Variants in PTPRQ observed in about 807,000 individuals in gnomAD.
PTPRQ encodes the protein phosphatidylinositol phosphatase PTPRQ.
PTPRQ carries 199 observed loss-of-function variants against 246.0 expected under a neutral mutation model. The observed-to-expected ratio is 0.81, with a 90% CI of 0.72 to 0.91. The LOEUF (loss-of-function observed/expected upper bound fraction) is 0.91, where lower values mean the gene tolerates loss of function less well. PTPRQ is among the 40% of genes least tolerant of loss of function. PTPRQ has a pLI of 0.00. For synonymous variants in PTPRQ, 869 were observed against 853.2 expected, an observed-to-expected ratio of 1.02 and a Z score of -0.32; for missense variants, 2,624 against 2,528.4, an observed-to-expected ratio of 1.04 and a Z score of -0.81.
intron 28 of PTPRQ, 86 bp from the exon 29 acceptor site, chr12:80,613,506 A>G: frequency 1.5e-6 from 2 of 1,338,564 alleles, no homozygotes; most frequent in Non-Finnish European, 2.0e-6. Context: ...CTCTTTAAAA[A>G]CAGAAGTTCA....
chr12:80,632,568 C>A (rs1565830982), intron 34 of PTPRQ, among the ~76,000 whole-genome samples: 1 of 152,066 alleles, frequency 6.6e-6, no homozygotes, highest in Non-Finnish European at 1.5e-5. Context: ...TGGCTAACTA[C>A]TAAAGAGAGT....
intron 39 of PTPRQ, among the ~76,000 whole-genome samples, chr12:80,662,845 G>A (rs994563533): frequency 2.1e-4 from 32 of 151,906 alleles, no homozygotes; most frequent in Non-Finnish European, 3.7e-4. Context: ...CAATTAAAGG[G>A]CAAAAGTCCA....
In PTPRQ at chr12:80,658,697, GT is replaced by G. The variant is rs879759285; in HGVS notation, c.6192+645del. Among the ~76,000 whole-genome samples, 428 of 151,254 alleles carry G rather than the reference GT, an allele frequency of 2.8e-3. 1 individual carries two copies. The highest frequency in any genetic ancestry group is 6.8e-3 in the Middle Eastern group (2 of 292). The stretch of plus-strand genomic sequence containing the variant: ...AACAACTCTGCTTTACAGTTGTTGG[GT>G]TTTTTTTTAACCAAGTTATGTCTCT... On this transcript the variant is annotated intron_variant, in intron 39 of 44. Coordinates refer to ENST00000644991, the MANE Select transcript of PTPRQ (RefSeq NM_001145026.2).
chr12:80,598,846 C>CT (rs1008209687), intron 26 of PTPRQ, among the ~76,000 whole-genome samples: 1 of 151,874 alleles, frequency 6.6e-6, no homozygotes, highest in Non-Finnish European at 1.5e-5. Flanking sequence ...TATGTTTATT[C>CT]TTTTAGGAAA....
At chr12:80,483,373 T>C (rs1894144521) in intron 8 of PTPRQ, among the ~76,000 whole-genome samples, 2 of 109,698 alleles carry the variant, frequency 1.8e-5, no homozygotes, top group South Asian at 7.3e-4. Context: ...CTGGGGCCTG[T>C]TGTGGGGTGG....
intron 25 of PTPRQ, among the ~76,000 whole-genome samples, chr12:80,558,544 G>A (rs1185675139): frequency 6.7e-6 from 1 of 148,674 alleles, no homozygotes; most frequent in Non-Finnish European, 1.5e-5. Flanking sequence ...AAGGACATGT[G>A]AGTTGTGTCC....
chr12:80,535,839 G>C (rs551548686), intron 19 of PTPRQ, among the ~76,000 whole-genome samples: 1 of 152,216 alleles, frequency 6.6e-6, no homozygotes, highest in Non-Finnish European at 1.5e-5. Flanking sequence ...CGGGCGTGGT[G>C]GCTCACGCCT....
At chr12:80,482,471 A>G (rs1374029072) in intron 8 of PTPRQ, among the ~76,000 whole-genome samples, 1 of 151,604 alleles carries the variant, frequency 6.6e-6, no homozygotes, top group African/African-American at 2.4e-5. Context: ...ATGGGCAAGG[A>G]CTTCATGTCT....
chr12:80,651,161 A>G (rs577699452), intron 37 of PTPRQ, among the ~76,000 whole-genome samples: 11 of 152,200 alleles, frequency 7.2e-5, no homozygotes, highest in African/African-American at 2.4e-4. Context: ...TATAATATCT[A>G]CTTTATTAAA....
At position 80,610,917 on chromosome 12, in the gene PTPRQ, A is replaced by T. The variant is rs1034784659; in HGVS notation, c.4918+292A>T. Among the ~76,000 whole-genome samples the T allele has an allele frequency of 6.6e-5, 10 of 150,554 alleles. No individual in the cohort carries two copies. In the East Asian group the frequency reaches 1.8e-3, roughly 26 times the overall value. ...CTGCTAGTTGTTTCAGAAATTAAGT[A>T]AGCTTGCCTAAGAGATAATATTTCC... is the stretch of plus-strand genomic sequence containing the variant. On this transcript the variant is annotated intron_variant, in intron 28 of 44. Coordinates refer to ENST00000644991, the MANE Select transcript of PTPRQ (RefSeq NM_001145026.2).
At chr12:80,454,430 A>G in intron 3 of PTPRQ, 1 of 662,298 alleles carries the variant, frequency 1.5e-6, no homozygotes, top group East Asian at 2.9e-5. Context: ...GGTACCTCAG[A>G]TGGAAATGCA....
chr12:80,502,681 G>T (rs1197461193), intron 14 of PTPRQ, among the ~76,000 whole-genome samples: 2 of 151,864 alleles, frequency 1.3e-5, no homozygotes, highest in Non-Finnish European at 2.9e-5. Flanking sequence ...GTGAAGATTT[G>T]ATGAGGGTCA....
At chr12:80,621,311 G>A (rs1898978656) in intron 32 of PTPRQ, among the ~76,000 whole-genome samples, 1 of 151,790 alleles carries the variant, frequency 6.6e-6, no homozygotes, top group Admixed American at 6.6e-5. Flanking sequence ...CATATTTATA[G>A]TTTATTTATT....
chr12:80,509,561 G>A (rs960323219), intron 16 of PTPRQ, among the ~76,000 whole-genome samples: 1 of 151,998 alleles, frequency 6.6e-6, no homozygotes, highest in African/African-American at 2.4e-5. Flanking sequence ...ACATTACTGT[G>A]TTATTACACA....
intron 25 of PTPRQ, among the ~76,000 whole-genome samples, chr12:80,562,400 A>G (rs972948816): frequency 2.0e-5 from 3 of 152,184 alleles, no homozygotes; most frequent in Admixed American, 2.0e-4. Flanking sequence ...AAACTATCTG[A>G]ACTTAGAGAT....
chr12:80,534,761 T>C (rs904168923), intron 18 of PTPRQ, 131 bp from the exon 19 acceptor site: 2 of 1,152,118 alleles, frequency 1.7e-6, no homozygotes, highest in Non-Finnish European at 1.2e-6. Flanking sequence ...ATTTCTGACA[T>C]TTCTAATTCA....
At chr12:80,652,207 C>T (rs1900281272) in intron 37 of PTPRQ, among the ~76,000 whole-genome samples, 1 of 151,984 alleles carries the variant, frequency 6.6e-6, no homozygotes, top group East Asian at 1.9e-4. Flanking sequence ...TCTTCTTGAC[C>T]CTTCATCTAT....
At chr12:80,478,625 T>G (rs1179491981) in intron 8 of PTPRQ, among the ~76,000 whole-genome samples, 1 of 152,006 alleles carries the variant, frequency 6.6e-6, no homozygotes, top group Non-Finnish European at 1.5e-5. Flanking sequence ...TTGAAAACTG[T>G]GAAAAAAATT....
At chr12:80,562,310 G>A (rs1422659895) in intron 25 of PTPRQ, among the ~76,000 whole-genome samples, 1 of 152,094 alleles carries the variant, frequency 6.6e-6, no homozygotes, top group South Asian at 2.1e-4. Flanking sequence ...TGTGTGAAAT[G>A]AATCTCTTCT....
Sources: allele counts gnomAD v4.1 joint callset (sites outside exome capture counted in the v4.1 genomes callset), GRCh38; gene constraint gnomAD v4.1.1; transcripts MANE v1.5; gene names NCBI Gene and HGNC (gene_info 2026-07-23, HGNC 2026-07-21).